The following ABCA10 variants were observed in gnomAD, a reference collection of about 807,000 sequenced individuals.
ABCA10 encodes ATP-binding cassette sub-family A member 10.
ABCA10 carries 169 observed loss-of-function variants against 187.5 expected under a neutral mutation model. The ratio of observed to expected loss-of-function variants is 0.90; its 90% confidence interval spans 0.80 to 1.02. ABCA10 has a LOEUF of 1.02. Among genes scored for constraint, ABCA10 ranks in the 50% least tolerant of loss-of-function variants. The pLI, the probability that ABCA10 is intolerant of heterozygous loss-of-function variation, is 0.00. For synonymous variants in ABCA10, 574 were observed against 601.8 expected, an observed-to-expected ratio of 0.95 and a Z score of 0.68; for missense variants, 1,727 against 1,812.4, an observed-to-expected ratio of 0.95 and a Z score of 0.86.
Position 69,197,066 on chromosome 17 carries a change from T to C in ABCA10, c.1232A>G (p.Gln411Arg). 6.3e-7 allele frequency: 1 copy of C among 1,580,852 alleles called. No homozygotes were observed. ...NGKTGKVEAL[Q>R]GIFFDIYEGQ... ...GGAGAGGGAGTTTTTCTTTTTACCTTGCAATGCTTCTACTTTTCCAGTCTT... is the reference window on the plus strand; with the variant it reads ...GGAGAGGGAGTTTTTCTTTTTACCTCGCAATGCTTCTACTTTTCCAGTCTT... The change falls in exon 11 of 39, where the codon CAA becomes CGA. Residue 411 changes from glutamine to arginine, a missense_variant and splice_region_variant. Coordinates refer to ENST00000690296, the MANE Select transcript of ABCA10 (RefSeq NM_001377321.1).
chr17:69,157,593 A>C lies in ABCA10; in HGVS notation c.3364-670T>G, dbSNP rs115928518. Among the ~76,000 whole-genome samples the C allele has an allele frequency of 9.0e-3, 1,378 of 152,306 alleles. 16 individuals carry two copies. The highest frequency in any genetic ancestry group is 0.03 in the African/African-American group (1,267 of 41,568). On this transcript the variant is annotated intron_variant, in intron 27 of 38. Coordinates refer to ENST00000690296, the MANE Select transcript of ABCA10 (RefSeq NM_001377321.1). ...AAACCTCAAGCCTAGGACATGGTTT[A>C]ACATGGTACCAGACTGGTAGTGTCC...
rs770923625 is a variant in ABCA10, at chr17:69,155,964, GCTGTACAA to G, written c.3456-47_3456-40del. On this transcript the variant is annotated intron_variant, in intron 28 of 38. Transcript: ENST00000690296. ...AAAATAACATAAAAATGCAATTTTG[GCTGTACAA>G]CTGTTAAGAAAATGTAAACCCCTAT... 52 of 1,592,988 alleles carry G rather than the reference GCTGTACAA, an allele frequency of 3.3e-5. No homozygotes were observed. The South Asian group carries it at 5.6e-4, about 17-fold the overall frequency.
chr17:69,211,191 C>A (rs2074645953), intron 9 of ABCA10, among the ~76,000 whole-genome samples: 1 of 150,640 alleles, frequency 6.6e-6, no homozygotes, highest in South Asian at 2.1e-4. Flanking sequence ...ATGTTTATTG[C>A]AGCACAATTT....
At chr17:69,240,660 C>T (rs2074898314) in intron 1 of ABCA10, among the ~76,000 whole-genome samples, 1 of 152,188 alleles carries the variant, frequency 6.6e-6, no homozygotes, top group South Asian at 2.1e-4. Context: ...TTCTGTAGAA[C>T]TCTTCAGCTG....
intron 20 of ABCA10, among the ~76,000 whole-genome samples, chr17:69,184,880 TACACACACACACATAC>T (rs2074408807): frequency 1.4e-5 from 2 of 144,452 alleles, no homozygotes; most frequent in African/African-American, 5.2e-5. Context: ...TGTATATATA[TACACACACACACATAC>T]ATATATATAA....
chr17:69,182,824 G>T lies in ABCA10; in HGVS notation c.2498-16C>A. 2 of 1,478,150 alleles carry T rather than the reference G, an allele frequency of 1.4e-6. No individual in the cohort carries two copies. The highest frequency in any genetic ancestry group is 1.3e-5 in the South Asian group (1 of 74,784). 91.6% of individuals were successfully genotyped at this position (1,478,150 alleles called of 1,614,324 possible). The stretch of plus-strand genomic sequence containing the variant: ...ATATTTGATCCTAACATAGTGGAAG[G>T]AAGGCAACAAGAAAAAAAAAAAAAA... On this transcript the variant is annotated splice_polypyrimidine_tract_variant and intron_variant, in intron 20 of 38. Coordinates refer to ENST00000690296, the MANE Select transcript of ABCA10 (RefSeq NM_001377321.1).
At chr17:69,218,665 A>G (rs1325727879) in intron 6 of ABCA10, among the ~76,000 whole-genome samples, 1 of 149,828 alleles carries the variant, frequency 6.7e-6, no homozygotes, top group Non-Finnish European at 1.5e-5. Flanking sequence ...ATAGATATAT[A>G]TATAAATGCA....
At chr17:69,198,968 G>C (rs2074524699) in intron 10 of ABCA10, among the ~76,000 whole-genome samples, 1 of 152,208 alleles carries the variant, frequency 6.6e-6, no homozygotes, top group African/African-American at 2.4e-5. Context: ...TCCATGATCA[G>C]ATTTGGTGCC....
chr17:69,199,377 G>T (rs1315856865), intron 10 of ABCA10, among the ~76,000 whole-genome samples: 1 of 152,154 alleles, frequency 6.6e-6, no homozygotes, highest in Non-Finnish European at 1.5e-5. Context: ...GATTAATGAT[G>T]AATAAGTTAA....
At chr17:69,194,124 T>G (rs1239210816) in intron 12 of ABCA10, 135 bp from the exon 13 acceptor site, 1 of 882,112 alleles carries the variant, frequency 1.1e-6, no homozygotes, top group Non-Finnish European at 1.7e-6. Flanking sequence ...AATTGCATAA[T>G]TAATACATTG....
intron 23 of ABCA10, among the ~76,000 whole-genome samples, 166 bp downstream of exon 23, chr17:69,175,240 C>T (rs769351781): frequency 3.3e-5 from 5 of 152,072 alleles, no homozygotes; most frequent in Non-Finnish European, 4.4e-5. Context: ...ACTTTCTGAC[C>T]TCTTTGAAAT....
intron 18 of ABCA10, among the ~76,000 whole-genome samples, chr17:69,189,604 T>C (rs934002476): frequency 1.3e-5 from 2 of 152,216 alleles, no homozygotes; most frequent in Non-Finnish European, 2.9e-5. Flanking sequence ...CCAGGACCAA[T>C]GTCCAGAATG....
chr17:69,224,472 C>A (rs983439066), intron 3 of ABCA10, among the ~76,000 whole-genome samples: 1 of 152,078 alleles, frequency 6.6e-6, no homozygotes. Flanking sequence ...GAGCAAAGGC[C>A]TCTATGGAGA....
intron 20 of ABCA10, among the ~76,000 whole-genome samples, chr17:69,183,463 T>A (rs2144791472): frequency 6.6e-6 from 1 of 152,064 alleles, no homozygotes; most frequent in Admixed American, 6.5e-5. Context: ...AAAGGACCCA[T>A]CAGGGAGAGA....
intron 20 of ABCA10, 103 bp from the exon 21 acceptor site, chr17:69,182,911 C>G: frequency 2.1e-6 from 3 of 1,408,434 alleles, no homozygotes; most frequent in Non-Finnish European, 2.9e-6. Context: ...TAAGAAAAAC[C>G]CAGAATAGCT....
At chr17:69,160,222 T>A (rs537898215) in intron 27 of ABCA10, among the ~76,000 whole-genome samples, 24 of 152,290 alleles carry the variant, frequency 1.6e-4, no homozygotes, top group African/African-American at 5.5e-4. Context: ...CATTTTCAAA[T>A]CATATATCTG....
chr17:69,222,583 A>C lies in ABCA10; in HGVS notation c.149T>G (p.Phe50Cys). The change falls in exon 4 of 39, where the codon TTT becomes TGT. Residue 50 changes from phenylalanine (F) to cysteine (C), a missense_variant. By Grantham distance (205) the Phe-to-Cys change is radical (BLOSUM62 -2). Transcript: ENST00000690296. ...FSDTFSYRLK[F>C]NWGYRIPVIK... ...AACTGGGATTCTATATCCCCAATTA[A>C]ACTTCAGGCGATATGAGAAAGTATC... is the stretch of plus-strand genomic sequence containing the variant. 6.3e-7 allele frequency: 1 copy of C among 1,598,030 alleles called. No homozygotes were observed. Among genetic ancestry groups the C allele is most frequent in the Non-Finnish European group, 8.5e-7 (1 of 1,176,268 alleles).
chr17:69,205,756 A>T lies in ABCA10; in HGVS notation c.1007-4088T>A, dbSNP rs563447959. Among the ~76,000 whole-genome samples the T allele has an allele frequency of 1.6e-3, 239 of 152,318 alleles. 2 individuals carry two copies. Among genetic ancestry groups the T allele is most frequent in the African/African-American group, 5.5e-3 (227 of 41,568 alleles). Reference sequence around the variant, plus strand: ...TCAAATTCAATTTTCCCAGGTTTAAAGATTACTTGTGCTTCTGGGCAGTGG... The same window carrying T: ...TCAAATTCAATTTTCCCAGGTTTAATGATTACTTGTGCTTCTGGGCAGTGG... On this transcript the variant is annotated intron_variant, in intron 9 of 38. Transcript: ENST00000690296.
At position 69,165,047 on chromosome 17, in the gene ABCA10, G is replaced by C; in HGVS notation, c.3199C>G (p.Gln1067Glu). 6.3e-7 allele frequency: 1 copy of C among 1,590,244 alleles called. No homozygotes were observed. The highest frequency in any genetic ancestry group is 8.6e-7 in the Non-Finnish European group (1 of 1,158,690). The change falls in exon 26 of 39, where the codon CAA becomes GAA. Residue 1067 changes from glutamine to glutamate, a missense_variant. By Grantham distance (29) the Gln-to-Glu change is conservative. Coordinates refer to ENST00000690296, the MANE Select transcript of ABCA10 (RefSeq NM_001377321.1). ...ICVSTIMVST[Q>E]YEKLNLILCM... ...AAAATTAAGTTGAGTTTTTCATATT[G>C]AGTTGATACCATAATTGTGGATACA... is the stretch of plus-strand genomic sequence containing the variant.
Sources: allele counts gnomAD v4.1 joint callset (sites outside exome capture counted in the v4.1 genomes callset), GRCh38; gene constraint gnomAD v4.1.1; transcripts MANE v1.5; gene names NCBI Gene and HGNC (gene_info 2026-07-23, HGNC 2026-07-21).